ANK2: variants seen among roughly 807,000 people sequenced by gnomAD.
The protein encoded by ANK2 is ankyrin 2, also known as ankyrin-2.
Under a neutral mutation model 360.5 loss-of-function variants are expected in ANK2, and 83 were observed. The observed-to-expected ratio is 0.23, with a 90% CI of 0.19 to 0.28. The LOEUF is 0.28. ANK2 is among the 10% of genes least tolerant of loss of function. The pLI is 1.00. For missense variants in ANK2, 4,201 were observed against 4,795.7 expected (o/e 0.88, Z 3.66); for synonymous variants, 1,740 against 1,759.5 (o/e 0.99, Z 0.28).
chr4:112,828,753 G>A (rs2059012280), intron 1 of ANK2, among the ~76,000 whole-genome samples: 1 of 152,186 alleles, frequency 6.6e-6, no homozygotes, highest in Non-Finnish European at 1.5e-5. Flanking sequence ...CTCCAGAATG[G>A]AGGTTTGCAA....
the ANK2 span, among the ~76,000 whole-genome samples, chr4:112,740,577 G>A: frequency 1.3e-5 from 2 of 152,002 alleles, no homozygotes; most frequent in East Asian, 1.9e-4. Context: ...GGTGGCACAC[G>A]CCTGTAATCC....
the ANK2 span, among the ~76,000 whole-genome samples, chr4:112,738,142 G>A: frequency 6.6e-6 from 1 of 152,174 alleles, no homozygotes; most frequent in Admixed American, 6.5e-5. Context: ...GGGTGCAGTG[G>A]CTAACACCTG....
chr4:113,215,776 A>G (rs1038671390), intron 4 of ANK2, among the ~76,000 whole-genome samples: 1 of 141,056 alleles, frequency 7.1e-6, no homozygotes, highest in African/African-American at 2.6e-5. Context: ...AACTTTTGGT[A>G]GTTAAACAGT....
chr4:112,952,246 T>C (rs1053534415), intron 2 of ANK2, among the ~76,000 whole-genome samples: 1 of 152,242 alleles, frequency 6.6e-6, no homozygotes, highest in East Asian at 1.9e-4. Flanking sequence ...CTTCAAAGCA[T>C]AGATAACGGT....
intron 2 of ANK2, chr4:112,980,523 A>G (rs1408128708): frequency 6.6e-6 from 1 of 152,256 alleles, no homozygotes; most frequent in Non-Finnish European, 1.5e-5. Flanking sequence ...CATCAACAAT[A>G]GATTGCTGTG....
intron 2 of ANK2, among the ~76,000 whole-genome samples, chr4:112,973,670 TGAC>T (rs2040381868): frequency 6.6e-6 from 1 of 152,234 alleles, no homozygotes; most frequent in East Asian, 1.9e-4. Context: ...TTTAGGATAG[TGAC>T]TGAAATGTTA....
At chr4:113,335,109 C>A (rs569425855) in intron 29 of ANK2, among the ~76,000 whole-genome samples, 1 of 152,082 alleles carries the variant, frequency 6.6e-6, no homozygotes, top group African/African-American at 2.4e-5. Flanking sequence ...TGCACATTTT[C>A]TAAATTTAAA....
intron 1 of ANK2, among the ~76,000 whole-genome samples, chr4:113,072,934 T>G (rs2154341642): frequency 6.7e-6 from 1 of 148,782 alleles, no homozygotes; most frequent in South Asian, 2.1e-4. Flanking sequence ...TCTTCTCGAC[T>G]CTGTCACAAG....
chr4:113,016,742 G>A (rs530565405), intron 2 of ANK2, among the ~76,000 whole-genome samples: 3 of 152,320 alleles, frequency 2.0e-5, no homozygotes, highest in African/African-American at 7.2e-5. Context: ...GTGCAGAAAG[G>A]AAGCTTGATT....
chr4:112,715,872 G>A, the ANK2 span, among the ~76,000 whole-genome samples: 2 of 152,100 alleles, frequency 1.3e-5, no homozygotes, highest in African/African-American at 2.4e-5. Context: ...TTAGTGAGCC[G>A]AGATTGCGCC....
intron 2 of ANK2, among the ~76,000 whole-genome samples, chr4:112,928,735 A>T (rs944190471): frequency 1.3e-5 from 2 of 152,220 alleles, no homozygotes; most frequent in African/African-American, 4.8e-5. Flanking sequence ...GCCATCTGCA[A>T]GCTAAAGAGA....
At chr4:112,854,967 T>C (rs992807662) in intron 1 of ANK2, among the ~76,000 whole-genome samples, 1 of 152,168 alleles carries the variant, frequency 6.6e-6, no homozygotes, top group Non-Finnish European at 1.5e-5. Flanking sequence ...TGAGGACATA[T>C]ATAGTCAGAC....
intron 1 of ANK2, among the ~76,000 whole-genome samples, chr4:113,136,451 T>G (rs11730002): frequency 6.6e-6 from 1 of 152,028 alleles, no homozygotes; most frequent in Non-Finnish European, 1.5e-5. Context: ...ATCCCAGCAC[T>G]TGGGAGGAAT....
intron 1 of ANK2, among the ~76,000 whole-genome samples, chr4:112,861,673 A>G (rs2068059856): frequency 6.6e-6 from 1 of 152,162 alleles, no homozygotes; most frequent in Non-Finnish European, 1.5e-5. Flanking sequence ...TTAGTGACAT[A>G]GTTAGTGTCT....
chr4:113,204,300 C>A (rs2098909604), intron 4 of ANK2, among the ~76,000 whole-genome samples: 1 of 152,110 alleles, frequency 6.6e-6, no homozygotes, highest in Non-Finnish European at 1.5e-5. Flanking sequence ...AGACTAGACA[C>A]CATCATCAAA....
chr4:113,354,009 G>A lies in ANK2; in HGVS notation c.5391G>A (p.Val1797=), dbSNP rs2154019571. ...LPIRVKGKED[V]PKKTTHRPHP... is the part of the protein sequence containing the mutation. Reference sequence around the variant, plus strand: ...TCAGAGTCAAAGGCAAGGAGGACGTGCCAAAAAAGACCACCCACAGGCCAC... The same window carrying A: ...TCAGAGTCAAAGGCAAGGAGGACGTACCAAAAAAGACCACCCACAGGCCAC... Residue 1797 remains valine, a synonymous_variant, in exon 38 of 46, where the codon GTG becomes GTA. Coordinates refer to ENST00000357077, the MANE Select transcript of ANK2 (RefSeq NM_001148.6). The A allele has an allele frequency of 6.2e-7, 1 of 1,614,036 alleles. No individual in the cohort carries two copies. Among genetic ancestry groups the A allele is most frequent in the Non-Finnish European group, 8.5e-7 (1 of 1,179,986 alleles).
chr4:112,923,827 C>A, intron 2 of ANK2, among the ~76,000 whole-genome samples: 1 of 152,080 alleles, frequency 6.6e-6, no homozygotes. Flanking sequence ...CGCCCAGATT[C>A]TTGGAATTTG....
the ANK2 span, among the ~76,000 whole-genome samples, chr4:112,743,908 A>G: frequency 0.02 from 3,041 of 150,404 alleles, 110 homozygotes; most frequent in African/African-American, 0.071. Flanking sequence ...AGCTCACTAC[A>G]ACCTCTGCCT....
At chr4:112,955,662 G>A (rs2095295948) in intron 2 of ANK2, among the ~76,000 whole-genome samples, 1 of 152,002 alleles carries the variant, frequency 6.6e-6, no homozygotes, top group South Asian at 2.1e-4. Flanking sequence ...TGTCATGAAT[G>A]TTACTTATTG....
Sources: allele counts gnomAD v4.1 joint callset (sites outside exome capture counted in the v4.1 genomes callset), GRCh38; gene constraint gnomAD v4.1.1; transcripts MANE v1.5; gene names NCBI Gene and HGNC (gene_info 2026-07-23, HGNC 2026-07-21).